LMBRD1: variants seen among roughly 807,000 people sequenced by gnomAD.
The protein encoded by LMBRD1 is LMBR1 domain containing 1.
A neutral mutation model predicts 74.8 loss-of-function variants in LMBRD1; 64 were observed. The observed-to-expected ratio is 0.86, with a 90% CI of 0.70 to 1.05. The LOEUF (loss-of-function observed/expected upper bound fraction) is 1.05, where lower values mean the gene tolerates loss of function less well. LMBRD1 is among the 50% of genes least tolerant of loss of function. The pLI is 0.00. For synonymous variants in LMBRD1, 204 were observed against 216.3 expected (o/e 0.94, Z 0.50); for missense variants, 652 against 645.9 (o/e 1.01, Z -0.10).
chr6:69,688,233 A>G (rs1391682050), intron 14 of LMBRD1, among the ~76,000 whole-genome samples: 2 of 152,244 alleles, frequency 1.3e-5, no homozygotes, highest in South Asian at 2.1e-4. Flanking sequence ...TGTTCTTAAC[A>G]TGAACATTTT....
At chr6:69,708,983 C>T (rs899815475) in intron 9 of LMBRD1, among the ~76,000 whole-genome samples, 4 of 152,104 alleles carry the variant, frequency 2.6e-5, no homozygotes, top group Non-Finnish European at 5.9e-5. Flanking sequence ...GCCTGTAATC[C>T]CAGCACTTTG....
chr6:69,733,010 T>C (rs1235866201), intron 7 of LMBRD1, among the ~76,000 whole-genome samples: 2 of 152,212 alleles, frequency 1.3e-5, no homozygotes, highest in East Asian at 3.8e-4. Context: ...TATTTGGCAT[T>C]GATTAATACA....
chr6:69,728,247 C>T (rs369526735), intron 7 of LMBRD1, among the ~76,000 whole-genome samples: 1 of 152,124 alleles, frequency 6.6e-6, no homozygotes, highest in Non-Finnish European at 1.5e-5. Flanking sequence ...GACAGTACTA[C>T]GAGGATGGTG....
intron 1 of LMBRD1, 23 bp from the exon 2 acceptor site, chr6:69,790,495 GT>G (rs767073219): frequency 6.2e-7 from 1 of 1,602,542 alleles, no homozygotes; most frequent in Non-Finnish European, 8.5e-7. Flanking sequence ...AAAAAGAGAT[GT>G]TTGTTACTAC....
At chr6:69,792,620 T>C (rs1274461911) in intron 1 of LMBRD1, among the ~76,000 whole-genome samples, 1 of 152,226 alleles carries the variant, frequency 6.6e-6, no homozygotes, top group Non-Finnish European at 1.5e-5. Context: ...AATTTATTTT[T>C]CATAAAATGT....
chr6:69,751,390 G>A (rs191221744), intron 4 of LMBRD1, among the ~76,000 whole-genome samples: 16 of 151,860 alleles, frequency 1.1e-4, no homozygotes, highest in African/African-American at 3.4e-4. Flanking sequence ...GCAGTGGAGT[G>A]ATCTCGGCTC....
intron 14 of LMBRD1, among the ~76,000 whole-genome samples, chr6:69,693,224 T>C (rs1398288464): frequency 1.1e-4 from 17 of 152,206 alleles, no homozygotes; most frequent in East Asian, 5.8e-4. Context: ...AATAGTAAGA[T>C]AGGCATTCTT....
intron 8 of LMBRD1, among the ~76,000 whole-genome samples, chr6:69,714,601 G>C (rs1358717883): frequency 6.6e-6 from 1 of 152,062 alleles, no homozygotes; most frequent in Non-Finnish European, 1.5e-5. Flanking sequence ...CATTTTTAAA[G>C]TGTAGATATA....
chr6:69,741,116 A>T (rs1027386256), intron 6 of LMBRD1, among the ~76,000 whole-genome samples: 2 of 152,148 alleles, frequency 1.3e-5, no homozygotes, highest in African/African-American at 4.8e-5. Context: ...ATTAAAAATA[A>T]AATCTAATAT....
chr6:69,713,584 C>T, intron 9 of LMBRD1, 61 bp downstream of exon 9: 2 of 1,543,288 alleles, frequency 1.3e-6, no homozygotes, highest in Non-Finnish European at 1.8e-6. Context: ...TCAATCTCTC[C>T]AAGAGGTACT....
rs1765541129 is a variant in LMBRD1, at chr6:69,769,746, T to G, written c.307+10748A>C. 2.0e-5 allele frequency among the ~76,000 whole-genome samples: 3 copies of G among 151,570 alleles called. 1 individual carries two copies. The South Asian group carries it at 6.2e-4, about 31-fold the overall frequency. ...TTTTTTAACGATTTTTTTAGTGTTT[T>G]TTTTTTTTAATTTTTATCCCAGCTC... On this transcript the variant is annotated intron_variant, in intron 3 of 15. Transcript: ENST00000649934.
At chr6:69,714,856 T>C (rs2149853843) in intron 8 of LMBRD1, among the ~76,000 whole-genome samples, 1 of 152,252 alleles carries the variant, frequency 6.6e-6, no homozygotes, top group South Asian at 2.1e-4. Flanking sequence ...TCTTGTTGCT[T>C]GTCAAACTTC....
In LMBRD1 at chr6:69,738,019, TG is replaced by T; in HGVS notation, c.563-5del. On this transcript the variant is annotated splice_region_variant and splice_polypyrimidine_tract_variant and intron_variant, in intron 6 of 15. Transcript: ENST00000649934. Reference sequence around the variant, plus strand: ...AATGACAATGCAGCTAAACCATCTGTGAAGAAAGAAAAACTGTTAAAAATGT... The same window carrying T: ...AATGACAATGCAGCTAAACCATCTGTAAGAAAGAAAAACTGTTAAAAATGT... 1 of 1,603,674 alleles carries T rather than the reference TG, an allele frequency of 6.2e-7. No homozygotes were observed. Among genetic ancestry groups the T allele is most frequent in the Non-Finnish European group, 8.5e-7 (1 of 1,172,870 alleles).
At chr6:69,749,747 C>T (rs1246387005) in intron 4 of LMBRD1, among the ~76,000 whole-genome samples, 1 of 151,068 alleles carries the variant, frequency 6.6e-6, no homozygotes, top group Non-Finnish European at 1.5e-5. Flanking sequence ...TACAATGCCC[C>T]AACCCAATTC....
At chr6:69,744,817 CT>C (rs1767182816) in intron 5 of LMBRD1, among the ~76,000 whole-genome samples, 1 of 152,118 alleles carries the variant, frequency 6.6e-6, no homozygotes, top group Non-Finnish European at 1.5e-5. Flanking sequence ...CCAAAATCCT[CT>C]TGCAATACAT....
In LMBRD1 at chr6:69,719,050, A is replaced by G. The variant is rs1310281030; in HGVS notation, c.668T>C (p.Leu223Pro). 6.2e-7 allele frequency: 1 copy of G among 1,612,840 alleles called. No individual in the cohort carries two copies. The highest frequency in any genetic ancestry group is 8.5e-7 in the Non-Finnish European group (1 of 1,179,168). The change falls in exon 8 of 16, where the codon CTG becomes CCG. Residue 223 changes from leucine (L) to proline (P), a missense_variant. Leu to Pro is a moderately conservative substitution (Grantham distance 98). Coordinates refer to ENST00000649934, the MANE Select transcript of LMBRD1 (RefSeq NM_018368.4). ...AGCAGCGCTTCTAGTGCCTTTTATCAGATTTAAAGGTAACGCAGACATGCC... is the reference window on the plus strand; with the variant it reads ...AGCAGCGCTTCTAGTGCCTTTTATCGGATTTAAAGGTAACGCAGACATGCC... ...AYGMSALPLN[L>P]IKGTRSAAYE...
intron 8 of LMBRD1, among the ~76,000 whole-genome samples, chr6:69,714,508 T>A (rs1181134828): frequency 6.6e-6 from 1 of 152,096 alleles, no homozygotes; most frequent in Non-Finnish European, 1.5e-5. Flanking sequence ...GGTACAAAAA[T>A]AAAACAACTA....
chr6:69,694,021 A>G (rs755604531), intron 14 of LMBRD1, among the ~76,000 whole-genome samples: 1 of 152,114 alleles, frequency 6.6e-6, no homozygotes, highest in Non-Finnish European at 1.5e-5. Context: ...AATGTTTAAG[A>G]AAAAATATTC....
chr6:69,742,942 G>A (rs1203920838), intron 5 of LMBRD1, among the ~76,000 whole-genome samples: 1 of 151,796 alleles, frequency 6.6e-6, no homozygotes, highest in South Asian at 2.1e-4. Flanking sequence ...CTTAATCCTA[G>A]AGACTTATTT....
Sources: gnomAD v4.1 joint callset for allele counts (sites outside exome capture counted in the v4.1 genomes callset) on GRCh38, gnomAD v4.1.1 for gene constraint, MANE v1.5 for transcripts, NCBI Gene and HGNC (gene_info 2026-07-23, HGNC 2026-07-21) for gene names.